MICU2: variants seen among roughly 807,000 people sequenced by gnomAD.
MICU2 encodes the protein mitochondrial calcium uptake 2, also known as calcium uptake protein 2, mitochondrial.
A neutral mutation model predicts 60.4 loss-of-function variants in MICU2; 64 were observed. That is an observed-to-expected ratio of 1.06 (90% confidence interval 0.87 to 1.31). MICU2 has a LOEUF of 1.31. Ranked by LOEUF, MICU2 falls within the 50% of genes most tolerant of loss-of-function variation. The probability of loss-of-function intolerance (pLI) is 0.00; values close to 1 mark genes in which losing one functional copy is unlikely to be tolerated. For missense variants in MICU2, 569 were observed against 531.0 expected (o/e 1.07, Z -0.70); for synonymous variants, 201 against 175.0 (o/e 1.15, Z -1.17).
intron 1 of MICU2, among the ~76,000 whole-genome samples, chr13:21,573,083 G>C (rs568865127): frequency 6.6e-6 from 1 of 152,002 alleles, no homozygotes; most frequent in Non-Finnish European, 1.5e-5. Flanking sequence ...AAAGTACTTC[G>C]TAGAATGTAT....
chr13:21,507,188 A>C (rs2077037044), intron 8 of MICU2, among the ~76,000 whole-genome samples: 1 of 152,204 alleles, frequency 6.6e-6, no homozygotes, highest in African/African-American at 2.4e-5. Flanking sequence ...TGGTATGACA[A>C]ATTTCACAGT....
intron 1 of MICU2, among the ~76,000 whole-genome samples, chr13:21,574,538 C>G (rs1888181295): frequency 6.6e-6 from 1 of 152,200 alleles, no homozygotes; most frequent in South Asian, 2.1e-4. Flanking sequence ...TGCTTCACCA[C>G]TCTGTCTCTA....
chr13:21,518,964 G>C lies in MICU2; in HGVS notation c.597+2281C>G, dbSNP rs1278866289. 3.3e-5 allele frequency among the ~76,000 whole-genome samples: 5 copies of C among 152,050 alleles called. No homozygotes were observed. The South Asian group carries it at 1.0e-3, about 32-fold the overall frequency. On this transcript the variant is annotated intron_variant, in intron 6 of 11. Transcript: ENST00000382374. Reference sequence around the variant, plus strand: ...TGGTGTCGGTCCCCACGACTCTTTTGAAACTGCTCTGTAATGGTTCCAACT... The same window carrying C: ...TGGTGTCGGTCCCCACGACTCTTTTCAAACTGCTCTGTAATGGTTCCAACT...
intron 6 of MICU2, among the ~76,000 whole-genome samples, chr13:21,517,809 GCGCGCACA>G (rs1218109259): frequency 1.7e-4 from 26 of 150,074 alleles, no homozygotes; most frequent in Non-Finnish European, 2.4e-4. Context: ...ACGCGCGCGC[GCGCGCACA>G]CGCGCTACAT....
At position 21,514,368 on chromosome 13, in the gene MICU2, A is replaced by T; in HGVS notation, c.648T>A (p.Asn216Lys). 6.2e-7 allele frequency: 1 copy of T among 1,612,590 alleles called. No homozygotes were observed. Among genetic ancestry groups the T allele is most frequent in the Non-Finnish European group, 8.5e-7 (1 of 1,179,144 alleles). ...KQDDLMTVKTNETGYQEAIVK... is the reference protein window; with the variant it reads ...KQDDLMTVKTKETGYQEAIVK... ...CTGTACATACCTGATATCCAGTTTC[A>T]TTAGTTTTCACTGTCATCAAGTCAT... The change falls in exon 7 of 12, where the codon AAT becomes AAA. Residue 216 changes from asparagine to lysine, a missense_variant. Physicochemically the swap from Asn to Lys is moderately conservative, Grantham distance 94 (BLOSUM62 0). Transcript: ENST00000382374.
At position 21,514,340 on chromosome 13, in the gene MICU2, C is replaced by T. The variant is rs1264805217; in HGVS notation, c.663+13G>A. The T allele has an allele frequency of 6.3e-7, 1 of 1,593,938 alleles. No homozygotes were observed. Among genetic ancestry groups the T allele is most frequent in the Non-Finnish European group, 8.6e-7 (1 of 1,167,640 alleles). On this transcript the variant is annotated intron_variant, in intron 7 of 11. Transcript: ENST00000382374. ...TTATAAATATCAATTGTTTGGAAAT[C>T]ATCTGTACATACCTGATATCCAGTT...
chr13:21,597,930 C>CAAAAA (rs11428461), intron 1 of MICU2, among the ~76,000 whole-genome samples: 14 of 84,686 alleles, frequency 1.7e-4, no homozygotes, highest in South Asian at 5.1e-4. Flanking sequence ...GACTCTGTCT[C>CAAAAA]AAAAAAAAAA....
At chr13:21,602,446 C>T (rs1566174940) in intron 1 of MICU2, among the ~76,000 whole-genome samples, 5 of 152,030 alleles carry the variant, frequency 3.3e-5, no homozygotes, top group South Asian at 4.2e-4. Flanking sequence ...GGCGTGAACC[C>T]GGGAGGCGGA....
At chr13:21,577,409 C>T (rs910199475) in intron 1 of MICU2, among the ~76,000 whole-genome samples, 1 of 151,770 alleles carries the variant, frequency 6.6e-6, no homozygotes, top group Non-Finnish European at 1.5e-5. Context: ...AATCCCAGGA[C>T]TTTGGGAGGC....
chr13:21,575,197 A>G (rs12860947), intron 1 of MICU2, among the ~76,000 whole-genome samples: 46,730 of 151,826 alleles, frequency 0.31, 8,416 homozygotes, highest in South Asian at 0.41. Flanking sequence ...TTTTTTTTTC[A>G]ACCCCATAGA....
intron 8 of MICU2, among the ~76,000 whole-genome samples, chr13:21,507,986 G>A (rs1053508846): frequency 2.7e-5 from 4 of 150,940 alleles, no homozygotes; most frequent in African/African-American, 4.9e-5. Context: ...TGAAGGGCAG[G>A]AGGCACTTGG....
At chr13:21,580,800 G>A (rs1211884265) in intron 1 of MICU2, among the ~76,000 whole-genome samples, 1 of 152,112 alleles carries the variant, frequency 6.6e-6, no homozygotes, top group Non-Finnish European at 1.5e-5. Context: ...GTGAAAACTT[G>A]AATACCCCAA....
At chr13:21,498,790 A>T (rs1315445534) in intron 9 of MICU2, among the ~76,000 whole-genome samples, 4 of 150,672 alleles carry the variant, frequency 2.7e-5, no homozygotes, top group African/African-American at 9.7e-5. Context: ...TCTTAACAGT[A>T]TATTTACAAG....
Position 21,509,998 on chromosome 13 carries a change from A to G in MICU2, c.761+6T>C. Reference sequence around the variant, plus strand: ...TCCCTAAATGAATGTAAATATTTGCATTTACCTTCGAAATTCTTTATAATG... The same window carrying G: ...TCCCTAAATGAATGTAAATATTTGCGTTTACCTTCGAAATTCTTTATAATG... On this transcript the variant is annotated splice_donor_region_variant and intron_variant, in intron 8 of 11. Transcript: ENST00000382374. 3 of 1,497,784 alleles carry G rather than the reference A, an allele frequency of 2.0e-6. No individual in the cohort carries two copies. The highest frequency in any genetic ancestry group is 2.7e-6 in the Non-Finnish European group (3 of 1,114,454). The allele number at this position is 1,497,784 out of a possible 1,614,324, so 92.8% of individuals were successfully genotyped here. A position where few individuals can be genotyped will look rare whatever the true frequency, so the allele number is the denominator to read the frequency against.
In MICU2 at chr13:21,511,890, C is replaced by T. The variant is rs1050499961; in HGVS notation, c.664-1789G>A. Among the ~76,000 whole-genome samples, 6 of 150,262 alleles carry T rather than the reference C, an allele frequency of 4.0e-5. No homozygotes were observed. In the East Asian group the frequency reaches 7.8e-4, roughly 20 times the overall value. On this transcript the variant is annotated intron_variant, in intron 7 of 11. Coordinates refer to ENST00000382374, the MANE Select transcript of MICU2 (RefSeq NM_152726.3). ...ATCTTTTGCCATATCAATTGTGTTT[C>T]TTTTTATTGCAGAGCAGTATTTCAT... is the stretch of plus-strand genomic sequence containing the variant.
chr13:21,595,456 G>T (rs1888672369), intron 1 of MICU2, among the ~76,000 whole-genome samples: 1 of 152,242 alleles, frequency 6.6e-6, no homozygotes, highest in African/African-American at 2.4e-5. Flanking sequence ...GACTTCAGCT[G>T]CACCTTCAGG....
intron 6 of MICU2, among the ~76,000 whole-genome samples, chr13:21,518,710 A>G (rs1886642112): frequency 6.6e-6 from 1 of 152,234 alleles, no homozygotes; most frequent in African/African-American, 2.4e-5. Context: ...CATATGAATA[A>G]TAATAGTTTT....
At chr13:21,531,475 G>GTGC (rs1404168364) in intron 4 of MICU2, among the ~76,000 whole-genome samples, 1 of 152,186 alleles carries the variant, frequency 6.6e-6, no homozygotes, top group Non-Finnish European at 1.5e-5. Context: ...TGCTCCTTGG[G>GTGC]TGCTGCTGCT....
chr13:21,602,282 G>T (rs934710396), intron 1 of MICU2, among the ~76,000 whole-genome samples: 4 of 151,824 alleles, frequency 2.6e-5, no homozygotes, highest in Admixed American at 2.0e-4. Flanking sequence ...CAGCACTTAG[G>T]GAGGCCAAGG....
Sources: allele counts gnomAD v4.1 joint callset (sites outside exome capture counted in the v4.1 genomes callset), GRCh38; gene constraint gnomAD v4.1.1; transcripts MANE v1.5; gene names NCBI Gene and HGNC (gene_info 2026-07-23, HGNC 2026-07-21).